The following COP1 variants were observed in gnomAD, a reference collection of about 807,000 sequenced individuals.
The protein encoded by COP1 is E3 ubiquitin-protein ligase COP1.
In COP1, 24 loss-of-function variants were observed where a neutral mutation model predicts 101.3. The observed-to-expected ratio is 0.24, with a 90% CI of 0.17 to 0.33. The LOEUF is 0.33. Ranked by LOEUF, COP1 falls within the 10% of genes least tolerant of loss-of-function variation. The pLI, the probability that COP1 is intolerant of heterozygous loss-of-function variation, is 1.00. For synonymous variants in COP1, 347 were observed against 341.9 expected (o/e 1.01, Z -0.17); for missense variants, 663 against 906.2 (o/e 0.73, Z 3.45).
At chr1:175,991,106 G>A (rs1238192493) in intron 15 of COP1, among the ~76,000 whole-genome samples, 1 of 152,036 alleles carries the variant, frequency 6.6e-6, no homozygotes, top group East Asian at 1.9e-4. Context: ...TTGAGATGCT[G>A]AACAGTAAGT....
intron 10 of COP1, among the ~76,000 whole-genome samples, chr1:176,084,161 G>A (rs764697072): frequency 3.3e-5 from 5 of 152,086 alleles, no homozygotes; most frequent in Admixed American, 3.3e-4. Context: ...AATAATGTAT[G>A]AAAGGGTTAA....
intron 1 of COP1, among the ~76,000 whole-genome samples, chr1:176,205,074 A>G (rs1700692367): frequency 6.6e-6 from 1 of 152,176 alleles, no homozygotes; most frequent in African/African-American, 2.4e-5. Context: ...CTTATTCCTC[A>G]CATCTTTTAC....
chr1:176,081,294 G>GAAA lies in COP1; in HGVS notation c.1142-10_1142-8dup, dbSNP rs56720201. 1.3e-4 allele frequency: 162 copies of GAAA among 1,283,568 alleles called. No homozygotes were observed. The highest frequency in any genetic ancestry group is 3.8e-4 in the South Asian group (24 of 62,796). The allele number at this position is 1,283,568 out of a possible 1,614,324, so 79.5% of individuals were successfully genotyped here. On this transcript the variant is annotated splice_region_variant and splice_polypyrimidine_tract_variant and intron_variant, in intron 10 of 19. Transcript: ENST00000367669. ...CTTGCAGTTCGACTGTCATCTATATGAAAAAAAAAAAAAAAAGACAAAACA... is the reference window on the plus strand; with the variant it reads ...CTTGCAGTTCGACTGTCATCTATATGAAAAAAAAAAAAAAAAAAAGACAAAACA...
intron 1 of COP1, chr1:176,206,317 C>T (rs1460548722): frequency 2.0e-6 from 1 of 505,148 alleles, no homozygotes; most frequent in African/African-American, 2.0e-5. Flanking sequence ...CGTTAAACTC[C>T]CTTCACTTCC....
chr1:176,002,384 T>C (rs1661873456), intron 15 of COP1, among the ~76,000 whole-genome samples: 1 of 152,134 alleles, frequency 6.6e-6, no homozygotes, highest in African/African-American at 2.4e-5. Context: ...CTTTAAGTTT[T>C]AGGGTACATG....
intron 18 of COP1, among the ~76,000 whole-genome samples, chr1:175,957,902 A>G (rs759930245): frequency 4.6e-5 from 7 of 152,206 alleles, no homozygotes; most frequent in Non-Finnish European, 8.8e-5. Flanking sequence ...CATGCTAAAT[A>G]AAAGGAGCCA....
At chr1:175,951,142 G>A (rs559639071) in intron 18 of COP1, among the ~76,000 whole-genome samples, 45 of 152,126 alleles carry the variant, frequency 3.0e-4, no homozygotes, top group Admixed American at 2.9e-3. Context: ...CCAGCTACTT[G>A]GGAGGCTGAG....
intron 12 of COP1, among the ~76,000 whole-genome samples, chr1:176,044,748 T>A (rs1008530749): frequency 6.6e-6 from 1 of 152,210 alleles, no homozygotes. Context: ...ATTTTAGGCA[T>A]CCTTAGGTAT....
At chr1:176,102,307 G>T (rs1488348056) in intron 9 of COP1, among the ~76,000 whole-genome samples, 1 of 152,008 alleles carries the variant, frequency 6.6e-6, no homozygotes, top group Admixed American at 6.6e-5. Flanking sequence ...ACCCTTGTAC[G>T]TGCCTGCAAG....
At chr1:176,167,360 T>G (rs181220241) in intron 3 of COP1, among the ~76,000 whole-genome samples, 4 of 152,216 alleles carry the variant, frequency 2.6e-5, no homozygotes, top group African/African-American at 9.7e-5. Flanking sequence ...GTGTCTGTCT[T>G]GTCCACCATC....
rs143521254 is a variant in COP1, at chr1:176,199,826, A to G, written c.407+6746T>C. Among the ~76,000 whole-genome samples the G allele has an allele frequency of 5.2e-3, 796 of 152,346 alleles. 6 individuals carry two copies. Among genetic ancestry groups the G allele is most frequent in the African/African-American group, 0.018 (733 of 41,582 alleles). Reference sequence around the variant, plus strand: ...AAAGTGAACTTTCTGGAAATGTATCATATCTTCATTAGGGTGGTGACTGCA... The same window carrying G: ...AAAGTGAACTTTCTGGAAATGTATCGTATCTTCATTAGGGTGGTGACTGCA... On this transcript the variant is annotated intron_variant, in intron 1 of 19. Transcript: ENST00000367669.
In COP1 at chr1:176,118,413, G is replaced by A. The variant is rs372834242; in HGVS notation, c.969-1732C>T. 2.0e-4 allele frequency among the ~76,000 whole-genome samples: 30 copies of A among 152,006 alleles called. No individual in the cohort carries two copies. In the East Asian group the frequency reaches 4.8e-3, roughly 24 times the overall value. ...ATTACACGAAAGAAAGAAGTTCTAA[G>A]GTTTGACAGAAGATTACAGTGACTA... On this transcript the variant is annotated intron_variant, in intron 8 of 19. Coordinates refer to ENST00000367669, the MANE Select transcript of COP1 (RefSeq NM_022457.7).
chr1:176,039,571 T>G (rs1262461263), intron 14 of COP1, among the ~76,000 whole-genome samples: 1 of 103,426 alleles, frequency 9.7e-6, no homozygotes, highest in Non-Finnish European at 2.1e-5. Context: ...CCTCAAAGAA[T>G]GTTTTACAGA....
chr1:176,009,675 A>T (rs928679435), intron 15 of COP1, among the ~76,000 whole-genome samples: 4 of 152,180 alleles, frequency 2.6e-5, no homozygotes, highest in African/African-American at 9.7e-5. Flanking sequence ...AAATTATACC[A>T]GTTAATCCGA....
intron 11 of COP1, among the ~76,000 whole-genome samples, chr1:176,047,232 A>C (rs1052123496): frequency 2.0e-5 from 3 of 152,180 alleles, no homozygotes; most frequent in Non-Finnish European, 1.5e-5. Context: ...ACTGATCTAC[A>C]ATTAATTACA....
chr1:176,127,365 T>G (rs1246774368), intron 8 of COP1, among the ~76,000 whole-genome samples: 1 of 152,194 alleles, frequency 6.6e-6, no homozygotes, highest in Non-Finnish European at 1.5e-5. Context: ...CATCCACCTC[T>G]AATCTCTGTT....
intron 14 of COP1, among the ~76,000 whole-genome samples, chr1:176,041,350 T>TTTCTTTG (rs1332065760): frequency 4.0e-5 from 6 of 150,298 alleles, no homozygotes; most frequent in Non-Finnish European, 7.4e-5. Flanking sequence ...TTTTTCTTTT[T>TTTCTTTG]TTCTTTTTTT....
chr1:176,173,849 A>G (rs1696500980), intron 3 of COP1, among the ~76,000 whole-genome samples: 1 of 151,494 alleles, frequency 6.6e-6, no homozygotes, highest in Non-Finnish European at 1.5e-5. Flanking sequence ...TTAGCCGGGT[A>G]CAGTGGCGCA....
At chr1:176,168,470 AAGGG>A (rs1356562181) in intron 3 of COP1, among the ~76,000 whole-genome samples, 6 of 114,864 alleles carry the variant, frequency 5.2e-5, no homozygotes, top group African/African-American at 2.0e-4. Context: ...GGGAGGGAGG[AAGGG>A]AGGAAGGCAG....
Sources: gnomAD v4.1 joint callset for allele counts (sites outside exome capture counted in the v4.1 genomes callset) on GRCh38, gnomAD v4.1.1 for gene constraint, MANE v1.5 for transcripts, NCBI Gene and HGNC (gene_info 2026-07-23, HGNC 2026-07-21) for gene names.